CDKAL1: variants seen among roughly 807,000 people sequenced by gnomAD.
CDKAL1 encodes the protein threonylcarbamoyladenosine tRNA methylthiotransferase.
In CDKAL1, 32 loss-of-function variants were observed where a neutral mutation model predicts 68.2. The observed-to-expected ratio is 0.47, with a 90% CI of 0.35 to 0.63. The LOEUF is 0.63. Among genes scored for constraint, CDKAL1 ranks in the 30% least tolerant of loss-of-function variants. CDKAL1 has a pLI of 0.00. For synonymous variants in CDKAL1, 234 were observed against 244.3 expected, an observed-to-expected ratio of 0.96 and a Z score of 0.39; for missense variants, 606 against 696.7, an observed-to-expected ratio of 0.87 and a Z score of 1.47.
chr6:20,642,590 CG>C (rs1768233509), intron 4 of CDKAL1, among the ~76,000 whole-genome samples: 1 of 151,658 alleles, frequency 6.6e-6, no homozygotes, highest in African/African-American at 2.4e-5. Context: ...ACCAGATTGG[CG>C]GAAGTCCAAA....
intron 13 of CDKAL1, among the ~76,000 whole-genome samples, chr6:21,142,179 G>C (rs1775948955): frequency 6.6e-6 from 1 of 152,218 alleles, no homozygotes. Flanking sequence ...TTTGCTGCCA[G>C]TTCCTTCCTT....
intron 11 of CDKAL1, among the ~76,000 whole-genome samples, chr6:21,021,075 T>C (rs1768635265): frequency 6.6e-6 from 1 of 152,168 alleles, no homozygotes; most frequent in Non-Finnish European, 1.5e-5. Flanking sequence ...AAAATCACAA[T>C]ACTGATGATA....
intron 8 of CDKAL1, among the ~76,000 whole-genome samples, chr6:20,793,765 T>A (rs1581592238): frequency 6.8e-6 from 1 of 148,138 alleles, no homozygotes; most frequent in Non-Finnish European, 1.5e-5. Context: ...AGGGATTGTT[T>A]TTTTTTAATT....
At chr6:20,756,846 TCCTTCTCC>T (rs1561749898) in intron 6 of CDKAL1, 18 of 138,074 alleles carry the variant, frequency 1.3e-4, no homozygotes, top group African/African-American at 2.7e-4. Context: ...CTTTCTTCCT[TCCTTCTCC>T]CCTTCCTTCC....
intron 5 of CDKAL1, among the ~76,000 whole-genome samples, chr6:20,732,863 A>G (rs1773019713): frequency 6.6e-6 from 1 of 152,100 alleles, no homozygotes; most frequent in Admixed American, 6.5e-5. Context: ...TTCTCTTTCT[A>G]TAATGAACCA....
At chr6:20,754,069 T>G (rs1774059805) in intron 6 of CDKAL1, among the ~76,000 whole-genome samples, 1 of 152,094 alleles carries the variant, frequency 6.6e-6, no homozygotes, top group South Asian at 2.1e-4. Flanking sequence ...AATTTTGAAC[T>G]CCTGGGCTCA....
At chr6:20,799,077 A>C (rs1425751653) in intron 8 of CDKAL1, among the ~76,000 whole-genome samples, 1 of 32,796 alleles carries the variant, frequency 3.0e-5, no homozygotes, top group Non-Finnish European at 5.3e-5. Flanking sequence ...TTTGAGACGG[A>C]GTTTTGCTCT....
chr6:20,580,811 T>C (rs9358346), intron 4 of CDKAL1, among the ~76,000 whole-genome samples: 55,077 of 151,402 alleles, frequency 0.36, 10,468 homozygotes, highest in East Asian at 0.55. Flanking sequence ...TTTTTTTAGA[T>C]GGAGTTTCGC....
chr6:20,965,023 A>T (rs1300488412), intron 10 of CDKAL1, among the ~76,000 whole-genome samples: 1 of 152,076 alleles, frequency 6.6e-6, no homozygotes, highest in Non-Finnish European at 1.5e-5. Context: ...AAATAAACTG[A>T]TGTTTGGCCA....
chr6:20,718,863 T>C (rs888003751), intron 5 of CDKAL1, among the ~76,000 whole-genome samples: 1 of 152,206 alleles, frequency 6.6e-6, no homozygotes, highest in Non-Finnish European at 1.5e-5. Flanking sequence ...AAAGAAAAAA[T>C]GTCTAATGAC....
chr6:20,705,459 C>T (rs1435099219), intron 5 of CDKAL1, among the ~76,000 whole-genome samples: 1 of 152,146 alleles, frequency 6.6e-6, no homozygotes. Flanking sequence ...TATTATTTAG[C>T]TACTGTTTGT....
chr6:20,989,602 G>A (rs1472015977), intron 10 of CDKAL1, among the ~76,000 whole-genome samples: 1 of 152,174 alleles, frequency 6.6e-6, no homozygotes, highest in Non-Finnish European at 1.5e-5. Flanking sequence ...AGCCTGAGCT[G>A]CCCTTTCCCC....
At chr6:20,942,576 A>T (rs531622062) in intron 9 of CDKAL1, among the ~76,000 whole-genome samples, 59 of 150,502 alleles carry the variant, frequency 3.9e-4, no homozygotes, top group Non-Finnish European at 6.8e-4. Context: ...CATCTTAGTC[A>T]GGCTGGTCTT....
At chr6:20,829,250 TTTA>T (rs1021028141) in intron 8 of CDKAL1, among the ~76,000 whole-genome samples, 1 of 152,174 alleles carries the variant, frequency 6.6e-6, no homozygotes, top group Admixed American at 6.5e-5. Context: ...TAATTTAATT[TTTA>T]TTTTGTTTTA....
chr6:20,926,950 G>GAC (rs1277275435), intron 9 of CDKAL1, among the ~76,000 whole-genome samples: 1 of 149,544 alleles, frequency 6.7e-6, no homozygotes, highest in East Asian at 1.9e-4. Flanking sequence ...GAGAGAGAGA[G>GAC]ACATGAATAG....
chr6:20,630,707 C>G (rs1345218626), intron 4 of CDKAL1, among the ~76,000 whole-genome samples: 1 of 152,076 alleles, frequency 6.6e-6, no homozygotes, highest in Non-Finnish European at 1.5e-5. Context: ...TGTCAGATGG[C>G]AAATAGCTAG....
At chr6:20,784,149 GT>G in intron 8 of CDKAL1, among the ~76,000 whole-genome samples, 1 of 151,384 alleles carries the variant, frequency 6.6e-6, no homozygotes, top group Non-Finnish European at 1.5e-5. Context: ...GGTGGCAGAG[GT>G]TGCAGTGAGC....
At chr6:20,568,740 A>AAC (rs1764572806) in intron 4 of CDKAL1, among the ~76,000 whole-genome samples, 2 of 84,058 alleles carry the variant, frequency 2.4e-5, no homozygotes, top group African/African-American at 1.1e-4. Flanking sequence ...GCCTCAAAAA[A>AAC]AAAAAAAAAA....
chr6:21,118,870 T>A (rs944873172), intron 13 of CDKAL1, among the ~76,000 whole-genome samples: 6 of 152,244 alleles, frequency 3.9e-5, no homozygotes, highest in African/African-American at 1.4e-4. Context: ...AGGAGACTAT[T>A]CCACTTTTAA....
Sources: allele counts gnomAD v4.1 joint callset (sites outside exome capture counted in the v4.1 genomes callset), GRCh38; gene constraint gnomAD v4.1.1; transcripts MANE v1.5; gene names NCBI Gene and HGNC (gene_info 2026-07-23, HGNC 2026-07-21).